Variants in BICDL1 observed in about 807,000 individuals in gnomAD.
BICDL1 encodes the protein BICD family like cargo adaptor 1.
In BICDL1, 20 loss-of-function variants were observed where a neutral mutation model predicts 76.8. The observed-to-expected ratio is 0.26, with a 90% CI of 0.18 to 0.38. The LOEUF is 0.38. Ranked by LOEUF, BICDL1 falls within the 10% of genes least tolerant of loss-of-function variation. BICDL1 has a pLI of 1.00. For missense variants in BICDL1, 700 were observed against 798.6 expected (o/e 0.88, Z 1.49); for synonymous variants, 383 against 337.1 (o/e 1.14, Z -1.49).
intron 2 of BICDL1, among the ~76,000 whole-genome samples, chr12:120,009,188 A>G (rs10744747): frequency 0.47 from 71,140 of 151,858 alleles, 19,563 homozygotes; most frequent in Admixed American, 0.6. Context: ...GGGTTTCACC[A>G]TGTTGGCCAG....
At chr12:120,001,705 A>G (rs1951762771) in intron 2 of BICDL1, among the ~76,000 whole-genome samples, 1 of 152,148 alleles carries the variant, frequency 6.6e-6, no homozygotes, top group African/African-American at 2.4e-5. Context: ...TTTATTAATA[A>G]CAGCTTTATT....
chr12:120,009,629 G>T (rs1218370801), intron 2 of BICDL1, among the ~76,000 whole-genome samples: 1 of 152,150 alleles, frequency 6.6e-6, no homozygotes, highest in Non-Finnish European at 1.5e-5. Flanking sequence ...CTGATGTGAG[G>T]TGGGGCCCCC....
chr12:120,077,551 CTGT>C (rs137992419), intron 7 of BICDL1, among the ~76,000 whole-genome samples: 2,287 of 152,292 alleles, frequency 0.015, 56 homozygotes, highest in African/African-American at 0.051. Flanking sequence ...CATCCCATTT[CTGT>C]TGTTTGGATC....
At chr12:120,007,472 C>T (rs1223119739) in intron 2 of BICDL1, among the ~76,000 whole-genome samples, 1 of 152,172 alleles carries the variant, frequency 6.6e-6, no homozygotes, top group East Asian at 1.9e-4. Flanking sequence ...CGTACACACT[C>T]TCAGCTCCTA....
intron 2 of BICDL1, among the ~76,000 whole-genome samples, chr12:120,012,819 T>C (rs1013476333): frequency 3.3e-5 from 5 of 152,156 alleles, no homozygotes; most frequent in African/African-American, 1.2e-4. Context: ...CCATTATAAT[T>C]CTGCAGAAAT....
At chr12:120,041,388 C>A (rs1323115935) in intron 2 of BICDL1, among the ~76,000 whole-genome samples, 1 of 152,132 alleles carries the variant, frequency 6.6e-6, no homozygotes, top group Non-Finnish European at 1.5e-5. Flanking sequence ...CTGTTACAGA[C>A]AACCTTAAGC....
chr12:119,995,838 T>C (rs1289947592), intron 1 of BICDL1, among the ~76,000 whole-genome samples: 2 of 151,936 alleles, frequency 1.3e-5, no homozygotes, highest in South Asian at 2.1e-4. Context: ...TACAAAAAAT[T>C]AGCTGGGCGT....
chr12:120,080,780 C>T (rs1022026165), intron 7 of BICDL1, 107 bp from the exon 8 acceptor site: 5 of 1,279,042 alleles, frequency 3.9e-6, no homozygotes, highest in East Asian at 2.6e-5. Context: ...CTTGCACCCC[C>T]ACACATGTAC....
chr12:120,060,881 G>A (rs909118586), intron 2 of BICDL1, among the ~76,000 whole-genome samples: 3 of 152,100 alleles, frequency 2.0e-5, no homozygotes, highest in Non-Finnish European at 4.4e-5. Context: ...TCCAGCACAC[G>A]GTGATCTCTC....
At chr12:119,993,262 C>G (rs545906861) in intron 1 of BICDL1, 1 of 152,130 alleles carries the variant, frequency 6.6e-6, no homozygotes, top group African/African-American at 2.4e-5. Context: ...TGCGCCGGGC[C>G]GGCACCTTTC....
intron 1 of BICDL1, among the ~76,000 whole-genome samples, chr12:119,993,816 A>G (rs997126994): frequency 6.6e-6 from 1 of 152,196 alleles, no homozygotes; most frequent in South Asian, 2.1e-4. Context: ...GGGTTTCACC[A>G]TGGTGGCCAG....
Position 120,071,146 on chromosome 12 carries a change from C to CT in BICDL1, c.910-469dup, listed in dbSNP as rs920146635. Among the ~76,000 whole-genome samples the CT allele has an allele frequency of 6.6e-6, 1 of 150,920 alleles. No individual in the cohort carries two copies. The highest frequency in any genetic ancestry group is 1.5e-5 in the Non-Finnish European group (1 of 67,726). ...TTTGTCCTATAGAATTTTCTTTTTT[C>CT]TTTTTTTCTTTTTTGAGGTGGCGTC... On this transcript the variant is annotated intron_variant, in intron 4 of 9. Transcript: ENST00000548673. The surrounding 1 kb of genome is among the most constrained non-coding windows in gnomAD (Gnocchi z 4.8).
In BICDL1 at chr12:120,092,063, A is replaced by C. The variant is rs1260100829; in HGVS notation, c.1705-937A>C. On this transcript the variant is annotated intron_variant, in intron 9 of 9. Coordinates refer to ENST00000548673, the MANE Select transcript of BICDL1 (RefSeq NM_001367886.1). The stretch of plus-strand genomic sequence containing the variant: ...AAGGAATCGAGCAGACACATGTTAC[A>C]TTTACTGATGATGCTAATTACACAG... 3.1e-5 allele frequency: 31 copies of C among 985,332 alleles called. 1 individual carries two copies. The highest frequency in any genetic ancestry group is 3.1e-5 in the Non-Finnish European group (26 of 829,936). 61.0% of individuals were successfully genotyped at this position (985,332 alleles called of 1,614,324 possible).
rs545564696 is a variant in BICDL1, at chr12:120,068,908, G to A, written c.910-2714G>A. Among the ~76,000 whole-genome samples, 3 of 152,286 alleles carry A rather than the reference G, an allele frequency of 2.0e-5. No homozygotes were observed. The East Asian group carries it at 5.8e-4, about 29-fold the overall frequency. ...CCCTATTGTGAACTGCACACAGAAG[G>A]GGCCATGGAGAATGCAGTGGGGTAG... On this transcript the variant is annotated intron_variant, in intron 4 of 9. Transcript: ENST00000548673.
intron 2 of BICDL1, among the ~76,000 whole-genome samples, chr12:120,059,125 T>C (rs1311013519): frequency 6.6e-6 from 1 of 152,148 alleles, no homozygotes; most frequent in Non-Finnish European, 1.5e-5. Flanking sequence ...AGACGTAGTC[T>C]TGCTCTGTTG....
chr12:120,068,676 C>T (rs190015098), intron 4 of BICDL1, among the ~76,000 whole-genome samples: 2 of 152,350 alleles, frequency 1.3e-5, no homozygotes, highest in Admixed American at 6.5e-5. Context: ...TTTAGCTGGA[C>T]ATGGCGGCGC....
chr12:120,007,190 A>G (rs1293302196), intron 2 of BICDL1, among the ~76,000 whole-genome samples: 1 of 152,208 alleles, frequency 6.6e-6, no homozygotes, highest in Non-Finnish European at 1.5e-5. Context: ...AAAGAGGGAT[A>G]GGTTGGAATA....
At chr12:120,085,904 C>T (rs1438248970) in intron 8 of BICDL1, among the ~76,000 whole-genome samples, 1 of 149,254 alleles carries the variant, frequency 6.7e-6, no homozygotes, top group African/African-American at 2.5e-5. Context: ...ATTCTGTCAT[C>T]AGCATGGAAG....
intron 2 of BICDL1, among the ~76,000 whole-genome samples, chr12:120,058,475 C>CTGCA (rs1953029215): frequency 6.6e-6 from 1 of 152,128 alleles, no homozygotes; most frequent in African/African-American, 2.4e-5. Flanking sequence ...ACCCAGTGCT[C>CTGCA]TGCACATCTA....
Sources: gnomAD v4.1 joint callset for allele counts (sites outside exome capture counted in the v4.1 genomes callset) on GRCh38, gnomAD v4.1.1 for gene constraint, Gnocchi (gnomAD v3.1) non-coding constraint, MANE v1.5 for transcripts, NCBI Gene and HGNC (gene_info 2026-07-23, HGNC 2026-07-21) for gene names.